The following FREM3 variants were observed in gnomAD, a reference collection of about 807,000 sequenced individuals.
FREM3 encodes the protein FRAS1-related extracellular matrix protein 3.
Under a neutral mutation model 129.1 loss-of-function variants are expected in FREM3, and 105 were observed. The ratio of observed to expected loss-of-function variants is 0.81; its 90% CI spans 0.69 to 0.96. The LOEUF is 0.96. Ranked by LOEUF, FREM3 falls within the 40% of genes least tolerant of loss-of-function variation. The pLI is 0.00. For synonymous variants in FREM3, 1,014 were observed against 1,044.9 expected, an observed-to-expected ratio of 0.97 and a Z score of 0.57; for missense variants, 2,593 against 2,666.3, an observed-to-expected ratio of 0.97 and a Z score of 0.61.
At position 143,698,773 on chromosome 4, in the gene FREM3, C is replaced by G; in HGVS notation, c.1903G>C (p.Glu635Gln). ...GTCACCACTTTCTCATAAAGCCCTTCCTTTTCCATGTAGTGCCAGTCTTCA... is the reference window on the plus strand; with the variant it reads ...GTCACCACTTTCTCATAAAGCCCTTGCTTTTCCATGTAGTGCCAGTCTTCA... ...EDEDWHYMEK[E>Q]GLYEKVVTEW... The change falls in exon 1 of 8, where the codon GAA becomes CAA. Residue 635 changes from glutamate to glutamine, a missense_variant. By Grantham distance (29) the Glu-to-Gln change is conservative. Transcript: ENST00000329798. The G allele has an allele frequency of 6.5e-7, 1 of 1,537,570 alleles. No individual in the cohort carries two copies. The highest frequency in any genetic ancestry group is 8.7e-7 in the Non-Finnish European group (1 of 1,146,982).
At chr4:143,673,826 C>A (rs559537164) in intron 2 of FREM3, among the ~76,000 whole-genome samples, 254 of 152,364 alleles carry the variant, frequency 1.7e-3, no homozygotes, top group Non-Finnish European at 3.0e-3. Flanking sequence ...TGCCATCTTG[C>A]AGTTCTATCT....
intron 5 of FREM3, among the ~76,000 whole-genome samples, chr4:143,619,975 G>T (rs1025925210): frequency 2.6e-5 from 4 of 152,138 alleles, no homozygotes; most frequent in Non-Finnish European, 5.9e-5. Context: ...GATTTTGAGA[G>T]ACTGAATATA....
chr4:143,622,189 G>A (rs1738963288), intron 4 of FREM3, among the ~76,000 whole-genome samples: 1 of 151,338 alleles, frequency 6.6e-6, no homozygotes, highest in South Asian at 2.1e-4. Flanking sequence ...TGTCTCCCAG[G>A]TTCAAGCAAC....
chr4:143,631,551 C>T (rs1467512965), intron 2 of FREM3, among the ~76,000 whole-genome samples: 1 of 152,110 alleles, frequency 6.6e-6, no homozygotes, highest in African/African-American at 2.4e-5. Flanking sequence ...TTTTATTTCC[C>T]TAGTGTGTGC....
chr4:143,640,463 T>C (rs1739303833), intron 2 of FREM3, among the ~76,000 whole-genome samples: 1 of 152,154 alleles, frequency 6.6e-6, no homozygotes, highest in Admixed American at 6.5e-5. Flanking sequence ...GGGTTAAAAA[T>C]TTCTGGTAAC....
rs1497622 is a variant in FREM3, at chr4:143,577,615, T to A, written c.6416A>T (p.Asp2139Val). The change falls in exon 8 of 8, where the codon GAT (aspartate) becomes GTT (valine). Residue 2139 changes from aspartate to valine, a missense_variant. This residue lies in a region of FREM3 where 317 missense variants were observed against 399.0 expected (regional missense o/e 0.79). Coordinates refer to ENST00000329798, the MANE Select transcript of FREM3 (RefSeq NM_001168235.2). ...TTTTTTCCCTCTTAAAGTCTTTCAATCAAAGGAACTACAAGCACTCTGCTT... is the reference window on the plus strand; with the variant it reads ...TTTTTTCCCTCTTAAAGTCTTTCAAACAAAGGAACTACAAGCACTCTGCTT... The part of the protein sequence containing the change: ...DCKQSACSSF[D>V] 1.3e-6 allele frequency: 2 copies of A among 1,536,400 alleles called. No homozygotes were observed. Among genetic ancestry groups the A allele is most frequent in the Non-Finnish European group, 1.7e-6 (2 of 1,146,320 alleles).
At chr4:143,630,451 A>G (rs568793568) in intron 2 of FREM3, among the ~76,000 whole-genome samples, 1 of 152,232 alleles carries the variant, frequency 6.6e-6, no homozygotes, top group East Asian at 1.9e-4. Context: ...GTCACATTTC[A>G]TATTCCTTTG....
rs1242196699 is a variant in FREM3, at chr4:143,697,096, G to A, written c.3580C>T (p.Pro1194Ser). The A allele has an allele frequency of 6.5e-7, 1 of 1,537,794 alleles. No homozygotes were observed. The highest frequency in any genetic ancestry group is 8.7e-7 in the Non-Finnish European group (1 of 1,147,040). Residue 1194 changes from proline (P) to serine (S), a missense_variant, in exon 1 of 8, where the codon CCT becomes TCT. Coordinates refer to ENST00000329798, the MANE Select transcript of FREM3 (RefSeq NM_001168235.2). ...IIILPTNDEQPKLFAHEFKVL... is the reference protein window; with the variant it reads ...IIILPTNDEQSKLFAHEFKVL... ...TTAAACTCATGGGCAAAAAGTTTAG[G>A]CTGCTCATCATTGGTGGGTAGGATG...
chr4:143,624,282 T>G lies in FREM3; in HGVS notation c.5479A>C (p.Asn1827His), dbSNP rs1211571623. ...CCAGGATTGAACTGGATCTGTTTATTGGTCTTCCATTTGAAATCTTTGTCT... is the reference window on the plus strand; with the variant it reads ...CCAGGATTGAACTGGATCTGTTTATGGGTCTTCCATTTGAAATCTTTGTCT... ...KKDKDFKWKT[N>H]KQIQFNPGQT... Residue 1827 changes from asparagine to histidine, a missense_variant, in exon 4 of 8, where the codon AAT (asparagine) becomes CAT (histidine). By Grantham distance (68) the Asn-to-His change is moderately conservative. Transcript: ENST00000329798. 6.5e-7 allele frequency: 1 copy of G among 1,537,000 alleles called. No homozygotes were observed. The highest frequency in any genetic ancestry group is 8.7e-7 in the Non-Finnish European group (1 of 1,146,816).
At chr4:143,680,277 T>C in intron 2 of FREM3, among the ~76,000 whole-genome samples, 1 of 151,504 alleles carries the variant, frequency 6.6e-6, no homozygotes, top group East Asian at 1.9e-4. Flanking sequence ...ATATGGAATA[T>C]ATATGCATAT....
Position 143,585,938 on chromosome 4 carries a change from G to A in FREM3, c.6084C>T (p.Tyr2028=), listed in dbSNP as rs1321710287. The A allele has an allele frequency of 1.5e-5, 23 of 1,537,398 alleles. No individual in the cohort carries two copies. The highest frequency in any genetic ancestry group is 1.1e-4 in the South Asian group (9 of 84,060). The change falls in exon 7 of 8, where the codon TAC becomes TAT. Residue 2028 remains tyrosine, a synonymous_variant. Transcript: ENST00000329798. This position sits in a 1 kb window ranked among gnomAD's most constrained non-coding sequence, Gnocchi z 4.2. ...AEYHVNESAR[Y]VEVCVWRRGT... The stretch of plus-strand genomic sequence containing the variant: ...CTCTTCTCCAAACACAAACCTCCAC[G>A]TAGCGAGCACTTTCATTGACGTGAT...
chr4:143,586,033 C>A (rs1341538509), intron 6 of FREM3, 40 bp from the exon 7 acceptor site: 1 of 1,533,596 alleles, frequency 6.5e-7, no homozygotes, highest in Non-Finnish European at 8.7e-7. Context: ...ATGCTTCAGC[C>A]TGCCTGGTAT....
chr4:143,655,670 A>G (rs1739587583), intron 2 of FREM3, among the ~76,000 whole-genome samples: 1 of 152,186 alleles, frequency 6.6e-6, no homozygotes, highest in Non-Finnish European at 1.5e-5. Flanking sequence ...GTTATTTTGA[A>G]TTCGTATCAA....
chr4:143,616,622 T>TA (rs997086880), intron 5 of FREM3, among the ~76,000 whole-genome samples: 4 of 151,626 alleles, frequency 2.6e-5, no homozygotes, highest in Non-Finnish European at 4.4e-5. Context: ...CCGTCTCTAC[T>TA]AAAAAAATAC....
chr4:143,631,102 C>T (rs1301466794), intron 2 of FREM3, among the ~76,000 whole-genome samples: 1 of 152,020 alleles, frequency 6.6e-6, no homozygotes, highest in Admixed American at 6.6e-5. Context: ...TAAATGGCTC[C>T]CTGGTGTATT....
chr4:143,697,466 G>C lies in FREM3; in HGVS notation c.3210C>G (p.Pro1070=), dbSNP rs759695344. ...TGAAGGACTCCCCGACGAAGACCTT[G>C]GGTCCCACATTGTCCACAGGCAGCA... ...VTVLPVDNVG[P]KVFVGESFIV... Residue 1070 remains proline (P), a synonymous_variant, in exon 1 of 8, where the codon CCC becomes CCG. Coordinates refer to ENST00000329798, the MANE Select transcript of FREM3 (RefSeq NM_001168235.2). 164 of 1,537,078 alleles carry C rather than the reference G, an allele frequency of 1.1e-4. 1 individual carries two copies. The South Asian group carries it at 2.0e-3, about 18-fold the overall frequency.
intron 2 of FREM3, among the ~76,000 whole-genome samples, chr4:143,676,352 TA>T (rs1335779444): frequency 2.0e-5 from 3 of 152,104 alleles, no homozygotes; most frequent in African/African-American, 7.2e-5. Context: ...CCCTTCATGC[TA>T]AAAACTCTCA....
chr4:143,683,673 G>T (rs1042989282), intron 2 of FREM3, among the ~76,000 whole-genome samples: 14 of 152,164 alleles, frequency 9.2e-5, no homozygotes, highest in Non-Finnish European at 1.5e-5. Flanking sequence ...GCCAGAACCC[G>T]GGGAGGGAGC....
At chr4:143,596,807 A>G (rs1435152663) in intron 6 of FREM3, among the ~76,000 whole-genome samples, 1 of 151,970 alleles carries the variant, frequency 6.6e-6, no homozygotes, top group Non-Finnish European at 1.5e-5. Context: ...GGTGTGGTGC[A>G]TATGCCTGTA....
Sources: gnomAD v4.1 joint callset for allele counts (sites outside exome capture counted in the v4.1 genomes callset) on GRCh38, gnomAD v4.1.1 for gene constraint, gnomAD v4.1.1 regional missense constraint, Gnocchi (gnomAD v3.1) non-coding constraint, MANE v1.5 for transcripts, NCBI Gene and HGNC (gene_info 2026-07-23, HGNC 2026-07-21) for gene names.